Variants in CEP170B observed in about 807,000 individuals in gnomAD.
CEP170B encodes the protein centrosomal protein of 170 kDa protein B.
A neutral mutation model predicts 120.6 loss-of-function variants in CEP170B; 55 were observed. That is an observed-to-expected ratio of 0.46 (90% confidence interval 0.37 to 0.57). The LOEUF is 0.57. CEP170B is among the 20% of genes least tolerant of loss of function. The probability of loss-of-function intolerance (pLI) is 0.00; values close to 1 mark genes in which losing one functional copy is unlikely to be tolerated. For missense variants in CEP170B, 2,212 were observed against 2,253.3 expected (o/e 0.98, Z 0.37); for synonymous variants, 1,033 against 954.5 (o/e 1.08, Z -1.52).
chr14:104,893,108 C>G lies in CEP170B; in HGVS notation c.4011C>G (p.Pro1337=). The change falls in exon 14 of 19, where the codon CCC becomes CCG. Residue 1337 remains proline (P), a synonymous_variant. Coordinates refer to ENST00000414716, the MANE Select transcript of CEP170B (RefSeq NM_001112726.3). ...CCCTCAGCAACATGCCCAGCACCCC[C>G]GCCTCGACCATCTCTGCCCGGGAGG... ...SASLSNMPST[P]ASTISAREEL... is the part of the protein sequence containing the mutation. 3 of 1,609,470 alleles carry G rather than the reference C, an allele frequency of 1.9e-6. No homozygotes were observed. Among genetic ancestry groups the G allele is most frequent in the South Asian group, 1.1e-5 (1 of 90,458 alleles).
At chr14:104,877,763 T>C in intron 3 of CEP170B, 122 bp from the exon 4 acceptor site, 2 of 668,846 alleles carry the variant, frequency 3.0e-6, no homozygotes, top group Non-Finnish European at 5.3e-6. Flanking sequence ...TTCCAGAGAG[T>C]TGGTGCCCCC....
At position 104,870,652 on chromosome 14, in the gene CEP170B, G is replaced by A. The variant is rs1471152187; in HGVS notation, c.105+2097G>A. The stretch of plus-strand genomic sequence containing the variant: ...CCCTGGGGTAGGGGAAAAGTGCTGG[G>A]GGCAGGGTGCTCAGGGTGAGTTTGG... On this transcript the variant is annotated intron_variant, in intron 2 of 18. Transcript: ENST00000414716. The surrounding 1 kb of genome is among the most constrained non-coding windows in gnomAD (Gnocchi z 4.1). Among the ~76,000 whole-genome samples the A allele has an allele frequency of 6.6e-6, 1 of 152,132 alleles. No homozygotes were observed. Among genetic ancestry groups the A allele is most frequent in the Admixed American group, 6.5e-5 (1 of 15,282 alleles).
At chr14:104,882,956 G>A (rs2140686170) in intron 7 of CEP170B, 79 bp from the exon 8 acceptor site, 2 of 1,456,740 alleles carry the variant, frequency 1.4e-6, no homozygotes, top group East Asian at 5.0e-5. Flanking sequence ...CTCTTGGGTG[G>A]AGTGGATGGT....
At position 104,887,620 on chromosome 14, in the gene CEP170B, G is replaced by A. The variant is rs573776292; in HGVS notation, c.3381G>A (p.Arg1127=). ...TPRPTRASRL[R]RARLGDASDT... ...GCCCCACACGGGCCTCCCGGCTGAGGCGGGCCCGGCTGGGGGACGCTTCAG... is the reference window on the plus strand; with the variant it reads ...GCCCCACACGGGCCTCCCGGCTGAGACGGGCCCGGCTGGGGGACGCTTCAG... The change falls in exon 12 of 19, where the codon AGG becomes AGA. Residue 1127 remains arginine, a synonymous_variant. Coordinates refer to ENST00000414716, the MANE Select transcript of CEP170B (RefSeq NM_001112726.3). 11 of 1,572,386 alleles carry A rather than the reference G, an allele frequency of 7.0e-6. No homozygotes were observed. In the South Asian group the frequency reaches 1.3e-4, roughly 18 times the overall value.
At position 104,887,936 on chromosome 14, in the gene CEP170B, C is replaced by A. The variant is rs747674707; in HGVS notation, c.3697C>A (p.Pro1233Thr). The A allele has an allele frequency of 6.5e-7, 1 of 1,543,054 alleles. No individual in the cohort carries two copies. Among genetic ancestry groups the A allele is most frequent in the East Asian group, 2.4e-5 (1 of 41,958 alleles). ...NTATTTGPRQ[P>T]FSRARSGSAR... ...AGCCACCACCACGGGTCCCCGCCAGCCCTTCAGCAGGGCCCGCTCAGGCAG... is the reference window on the plus strand; with the variant it reads ...AGCCACCACCACGGGTCCCCGCCAGACCTTCAGCAGGGCCCGCTCAGGCAG... Residue 1233 changes from proline to threonine, a missense_variant, in exon 12 of 19, where the codon CCC (proline) becomes ACC (threonine). Pro to Thr is a conservative substitution (Grantham distance 38). Around this residue, in one of 2 missense-constraint regions of CEP170B, gnomAD observed 2,166 missense variants for 2,166.7 expected, o/e 1.00. Transcript: ENST00000414716.
rs1217786550 is a variant in CEP170B at position 104,868,810 on chromosome 14, G to A, written c.105+255G>A. On this transcript the variant is annotated intron_variant, in intron 2 of 18. Coordinates refer to ENST00000414716, the MANE Select transcript of CEP170B (RefSeq NM_001112726.3). The surrounding 1 kb of genome is among the most constrained non-coding windows in gnomAD (Gnocchi z 5.9). ...CGTATCCCTGTCTCTGACAGGAGGG[G>A]GCTTAGGCTTTTGTCAGGTTCTCAA... Among the ~76,000 whole-genome samples, 1 of 152,206 alleles carries A rather than the reference G, an allele frequency of 6.6e-6. No homozygotes were observed. Among genetic ancestry groups the A allele is most frequent in the Non-Finnish European group, 1.5e-5 (1 of 68,026 alleles).
chr14:104,890,346 G>GGA (rs1555394061), intron 13 of CEP170B, among the ~76,000 whole-genome samples: 15 of 71,144 alleles, frequency 2.1e-4, no homozygotes, highest in African/African-American at 6.9e-4. Context: ...GGATGAGTGT[G>GGA]TGGATGGATG....
At chr14:104,894,209 G>A in intron 16 of CEP170B, 76 bp from the exon 17 acceptor site, 1 of 1,177,070 alleles carries the variant, frequency 8.5e-7, no homozygotes, top group South Asian at 1.2e-5. Flanking sequence ...GGCAGAGGAG[G>A]TCTGGGAGAA....
intron 9 of CEP170B, among the ~76,000 whole-genome samples, chr14:104,885,007 G>A (rs1304611420): frequency 3.0e-5 from 4 of 135,076 alleles, no homozygotes; most frequent in Non-Finnish European, 4.9e-5. Flanking sequence ...ATCGGGGGTG[G>A]AGGCGATGCC....
chr14:104,886,430 G>A lies in CEP170B; in HGVS notation c.2191G>A (p.Glu731Lys), dbSNP rs1341692422. The change falls in exon 12 of 19, where the codon GAG becomes AAG. Residue 731 changes from glutamate (E) to lysine (K), a missense_variant. Around this residue, in one of 2 missense-constraint regions of CEP170B, gnomAD observed 2,166 missense variants for 2,166.7 expected, o/e 1.00. Coordinates refer to ENST00000414716, the MANE Select transcript of CEP170B (RefSeq NM_001112726.3). Reference sequence around the variant, plus strand: ...GCCTGGGCCACCGGAGCTGGACAGTGAGCAGCCCAGCCGCCTCTTCGGCCA... The same window carrying A: ...GCCTGGGCCACCGGAGCTGGACAGTAAGCAGCCCAGCCGCCTCTTCGGCCA... ...SGPGPPELDS[E>K]QPSRLFGQEE... is the part of the protein sequence containing the mutation. 2 of 1,577,752 alleles carry A rather than the reference G, an allele frequency of 1.3e-6. No homozygotes were observed. The highest frequency in any genetic ancestry group is 1.7e-6 in the Non-Finnish European group (2 of 1,163,328).
chr14:104,869,620 A>G (rs1006184211), intron 2 of CEP170B, among the ~76,000 whole-genome samples: 2 of 152,146 alleles, frequency 1.3e-5, no homozygotes, highest in South Asian at 2.1e-4. Context: ...CCAGCGTGGT[A>G]GCTTCAAGAG....
intron 3 of CEP170B, among the ~76,000 whole-genome samples, chr14:104,876,789 A>G (rs1473812326): frequency 6.6e-6 from 1 of 152,198 alleles, no homozygotes; most frequent in African/African-American, 2.4e-5. Context: ...GGAAGGAGCT[A>G]TGCTTGGGTA....
intron 12 of CEP170B, 31 bp from the exon 13 acceptor site, chr14:104,889,589 C>G: frequency 6.2e-7 from 1 of 1,607,732 alleles, no homozygotes; most frequent in South Asian, 1.1e-5. Context: ...CCACGGCTCC[C>G]CCAAACACAC....
chr14:104,883,656 G>A, intron 8 of CEP170B, 148 bp downstream of exon 8: 2 of 1,097,080 alleles, frequency 1.8e-6, no homozygotes, highest in Non-Finnish European at 2.5e-6. Flanking sequence ...CACCTGCCTG[G>A]TCAGGAGTCC....
chr14:104,869,248 G>C (rs1322483396), intron 2 of CEP170B, among the ~76,000 whole-genome samples: 3 of 152,222 alleles, frequency 2.0e-5, no homozygotes, highest in Non-Finnish European at 4.4e-5. Context: ...GTGTGCCTGT[G>C]AACGAGTTGG....
rs562375656 is a variant in CEP170B at position 104,893,413 on chromosome 14, C to T, written c.4039-110C>T. On this transcript the variant is annotated intron_variant, in intron 14 of 18. Coordinates refer to ENST00000414716, the MANE Select transcript of CEP170B (RefSeq NM_001112726.3). ...GGGCACAGGAGGGACCTTGCACAGA[C>T]GGAAGGTGGGTGTGCTCTGTCCACC... 2.1e-4 allele frequency: 289 copies of T among 1,348,390 alleles called. 1 individual carries two copies. In the South Asian group the frequency reaches 2.7e-3, roughly 13 times the overall value. The allele number at this position is 1,348,390 out of a possible 1,614,324, so 83.5% of individuals were successfully genotyped here.
chr14:104,894,652 T>C, intron 18 of CEP170B, 59 bp from the exon 19 acceptor site: 1 of 1,583,500 alleles, frequency 6.3e-7, no homozygotes, highest in Non-Finnish European at 8.6e-7. Flanking sequence ...GAACCCTGAC[T>C]CACAGGGTGG....
At chr14:104,886,244 C>T (rs1354019061) in intron 11 of CEP170B, 31 bp from the exon 12 acceptor site, 7 of 1,486,140 alleles carry the variant, frequency 4.7e-6, no homozygotes, top group African/African-American at 1.4e-5. Context: ...AGACCAGCGG[C>T]CCTCTAACCG....
rs1895268675 is a variant in CEP170B, at chr14:104,867,700, A to G, written c.-27-724A>G. 6.6e-6 allele frequency among the ~76,000 whole-genome samples: 1 copy of G among 152,114 alleles called. No individual in the cohort carries two copies. The highest frequency in any genetic ancestry group is 1.5e-5 in the Non-Finnish European group (1 of 68,006). On this transcript the variant is annotated intron_variant, in intron 1 of 18. Coordinates refer to ENST00000414716, the MANE Select transcript of CEP170B (RefSeq NM_001112726.3). This position sits in a 1 kb window ranked among gnomAD's most constrained non-coding sequence, Gnocchi z 5.4. ...CTGCCACGGGGCTCCCTGCCTGTCT[A>G]CACCAGCCCCTCAGACCACCCCCTC...
Sources: allele counts gnomAD v4.1 joint callset (sites outside exome capture counted in the v4.1 genomes callset), GRCh38; gene constraint gnomAD v4.1.1; regional missense constraint gnomAD v4.1.1; non-coding constraint Gnocchi (gnomAD v3.1); transcripts MANE v1.5; gene names NCBI Gene and HGNC (gene_info 2026-07-23, HGNC 2026-07-21).